IMPG2: variants seen among roughly 807,000 people sequenced by gnomAD.
IMPG2 encodes the protein IPM 200.
Under a neutral mutation model 129.2 loss-of-function variants are expected in IMPG2, and 91 were observed. The observed-to-expected ratio is 0.70, with a 90% CI of 0.59 to 0.84. The LOEUF (loss-of-function observed/expected upper bound fraction) is 0.84. IMPG2 is among the 40% of genes least tolerant of loss of function. IMPG2 has a pLI of 0.00. For synonymous variants in IMPG2, 510 were observed against 517.7 expected, an observed-to-expected ratio of 0.99 and a Z score of 0.20; for missense variants, 1,430 against 1,461.7, an observed-to-expected ratio of 0.98 and a Z score of 0.35.
rs141342138 is a variant in IMPG2 at position 101,229,983 on chromosome 3, G to A, written c.3423-393C>T. On this transcript the variant is annotated intron_variant, in intron 16 of 18. Transcript: ENST00000193391. ...AATCTGACTGAAATATAAATATTAC[G>A]GTCTAGGGGAAGCAGAGCCTCAATT... Among the ~76,000 whole-genome samples the A allele has an allele frequency of 1.2e-3, 189 of 152,246 alleles. No individual in the cohort carries two copies. In the Middle Eastern group the frequency reaches 0.014, roughly 11 times the overall value.
intron 2 of IMPG2, among the ~76,000 whole-genome samples, chr3:101,313,861 A>G (rs187053668): frequency 5.9e-5 from 9 of 152,256 alleles, no homozygotes; most frequent in African/African-American, 2.2e-4. Context: ...CAAAAAAGCT[A>G]CTAGAACTGG....
At chr3:101,269,926 CTTTTTTTTTTTTT>C (rs5851267) in intron 7 of IMPG2, among the ~76,000 whole-genome samples, 2 of 106,980 alleles carry the variant, frequency 1.9e-5, no homozygotes, top group Non-Finnish European at 3.8e-5. Flanking sequence ...TTATTTTATT[CTTTTTTTTTTTTT>C]TTTTTTTTTG....
At chr3:101,291,300 G>A (rs1707006854) in intron 4 of IMPG2, among the ~76,000 whole-genome samples, 179 bp downstream of exon 4, 1 of 152,182 alleles carries the variant, frequency 6.6e-6, no homozygotes, top group African/African-American at 2.4e-5. Context: ...CTGTGGTCAT[G>A]GTCTGAAAAG....
intron 14 of IMPG2, among the ~76,000 whole-genome samples, chr3:101,240,468 A>C (rs1345103741): frequency 1.3e-5 from 2 of 152,162 alleles, no homozygotes; most frequent in African/African-American, 4.8e-5. Flanking sequence ...AAGTTTTATA[A>C]ATCATAACTG....
chr3:101,252,205 C>A (rs1244188708), intron 11 of IMPG2, among the ~76,000 whole-genome samples: 2 of 152,066 alleles, frequency 1.3e-5, no homozygotes, highest in Non-Finnish European at 2.9e-5. Flanking sequence ...TCAAAAGAAG[C>A]CAGAAATCTA....
chr3:101,268,298 C>T (rs775386584), intron 8 of IMPG2, among the ~76,000 whole-genome samples: 14 of 152,286 alleles, frequency 9.2e-5, no homozygotes, highest in Non-Finnish European at 1.9e-4. Flanking sequence ...GACTGTGTTG[C>T]CCTTCATGTG....
At chr3:101,259,469 AG>A (rs1284836538) in intron 9 of IMPG2, among the ~76,000 whole-genome samples, 1 of 151,656 alleles carries the variant, frequency 6.6e-6, no homozygotes, top group Admixed American at 6.6e-5. Context: ...TTTTGTACAA[AG>A]ATTTTGTTCA....
At chr3:101,280,089 C>T (rs1019657504) in intron 4 of IMPG2, among the ~76,000 whole-genome samples, 1 of 152,206 alleles carries the variant, frequency 6.6e-6, no homozygotes, top group East Asian at 1.9e-4. Flanking sequence ...CAGCTAAGAT[C>T]TTTAGCTTAA....
chr3:101,231,214 C>T, intron 15 of IMPG2, 69 bp from the exon 16 acceptor site: 1 of 1,429,324 alleles, frequency 7.0e-7, no homozygotes, highest in Non-Finnish European at 9.9e-7. Context: ...ACAGCAGAAC[C>T]TTCTGAGGGA....
chr3:101,242,010 C>T (rs1706413637), intron 14 of IMPG2, among the ~76,000 whole-genome samples: 1 of 147,620 alleles, frequency 6.8e-6, no homozygotes, highest in African/African-American at 2.5e-5. Context: ...GCCTGGGCAA[C>T]AAGAGTGAAA....
In IMPG2 at chr3:101,243,939, A is replaced by G. The variant is rs2107219653; in HGVS notation, c.2392T>C (p.Leu798=). 4 of 1,614,190 alleles carry G rather than the reference A, an allele frequency of 2.5e-6. No homozygotes were observed. The highest frequency in any genetic ancestry group is 1.7e-5 in the Admixed American group (1 of 60,018). ...SSLEKLSRDI[L]ASTPQSADRL... ...TCAGCACTCTGTGGTGTACTTGCCA[A>G]TATGTCTCTGGACAATTTCTCTAGG... is the stretch of plus-strand genomic sequence containing the variant. Residue 798 remains leucine (L), a synonymous_variant, in exon 13 of 19, where the codon TTG becomes CTG. Transcript: ENST00000193391.
intron 14 of IMPG2, among the ~76,000 whole-genome samples, chr3:101,236,301 GC>G (rs1196479765): frequency 2.0e-5 from 3 of 152,184 alleles, no homozygotes; most frequent in African/African-American, 7.2e-5. Context: ...TGGGGCTAAT[GC>G]CAGCTAATTT....
At chr3:101,306,242 G>A (rs1707188162) in intron 2 of IMPG2, among the ~76,000 whole-genome samples, 2 of 152,148 alleles carry the variant, frequency 1.3e-5, no homozygotes, top group Admixed American at 1.3e-4. Context: ...TTATTATCGT[G>A]TTCAATTCTA....
At chr3:101,233,038 A>T (rs928567947) in intron 14 of IMPG2, 47 bp from the exon 15 acceptor site, 4 of 1,550,678 alleles carry the variant, frequency 2.6e-6, no homozygotes, top group Non-Finnish European at 3.6e-6. Flanking sequence ...AAAACACAGA[A>T]ACTGGGGTAT....
At chr3:101,264,600 T>C (rs1346164277) in intron 9 of IMPG2, among the ~76,000 whole-genome samples, 2 of 152,108 alleles carry the variant, frequency 1.3e-5, no homozygotes, top group Non-Finnish European at 2.9e-5. Context: ...TCATACTGCA[T>C]GGGGAAAAGT....
Position 101,225,128 on chromosome 3 carries a change from A to G in IMPG2, c.*1841T>C, listed in dbSNP as rs962476724. ...TTACAGTCTTAAACAGAAAACTTTG[A>G]AAGTTTTATAAATAAAACTAAGCAC... is the stretch of plus-strand genomic sequence containing the variant. On this transcript the variant is annotated 3_prime_UTR_variant, in exon 19 of 19. Transcript: ENST00000193391. The G allele has an allele frequency of 2.6e-5, 4 of 152,282 alleles. No individual in the cohort carries two copies. Among genetic ancestry groups the G allele is most frequent in the African/African-American group, 9.6e-5 (4 of 41,478 alleles). The allele number at this position is 152,282 out of a possible 1,614,324, so 9.4% of individuals were successfully genotyped here. A position where few individuals can be genotyped will look rare whatever the true frequency, so the allele number is the denominator to read the frequency against.
At chr3:101,290,806 C>T (rs569957498) in intron 4 of IMPG2, among the ~76,000 whole-genome samples, 1 of 152,218 alleles carries the variant, frequency 6.6e-6, no homozygotes, top group East Asian at 1.9e-4. Flanking sequence ...CTGTCCTTCC[C>T]TCTAATTTGA....
At chr3:101,259,619 A>G (rs1442009383) in intron 9 of IMPG2, among the ~76,000 whole-genome samples, 7 of 151,572 alleles carry the variant, frequency 4.6e-5, no homozygotes, top group African/African-American at 1.7e-4. Context: ...CCGCAGCACA[A>G]TCAAGGTATT....
At chr3:101,229,320 G>GGCCCC in intron 17 of IMPG2, 60 bp downstream of exon 17, 1 of 519,342 alleles carries the variant, frequency 1.9e-6, no homozygotes, top group Non-Finnish European at 3.0e-6. Flanking sequence ...ACCACCCCCT[G>GGCCCC]CTCCCCCACA....
Sources: allele counts gnomAD v4.1 joint callset (sites outside exome capture counted in the v4.1 genomes callset), GRCh38; gene constraint gnomAD v4.1.1; transcripts MANE v1.5; gene names NCBI Gene and HGNC (gene_info 2026-07-23, HGNC 2026-07-21).